CSMD1: variants seen among roughly 807,000 people sequenced by gnomAD.
CSMD1 encodes the protein CUB and Sushi multiple domains 1, also known as CUB and sushi domain-containing protein 1.
CSMD1 carries 213 observed loss-of-function variants against 417.5 expected under a neutral mutation model. That is an observed-to-expected ratio of 0.51 (90% CI 0.46 to 0.57). CSMD1 has a LOEUF of 0.57. CSMD1 is among the 20% of genes least tolerant of loss of function. CSMD1 has a pLI of 0.00. For synonymous variants in CSMD1, 2,862 were observed against 1,736.8 expected, an observed-to-expected ratio of 1.65 and a Z score of -16.11; for missense variants, 6,923 against 4,529.7, an observed-to-expected ratio of 1.53 and a Z score of -15.17.
intron 3 of CSMD1, among the ~76,000 whole-genome samples, chr8:4,345,190 G>T (rs777438397): frequency 6.6e-6 from 1 of 152,104 alleles, no homozygotes; most frequent in African/African-American, 2.4e-5. Flanking sequence ...GCAAGACATC[G>T]CATTGATGAC....
chr8:4,671,835 G>C (rs1207493355), intron 1 of CSMD1, among the ~76,000 whole-genome samples: 1 of 152,042 alleles, frequency 6.6e-6, no homozygotes, highest in Non-Finnish European at 1.5e-5. Context: ...TACGTTTGAG[G>C]AGTTTCATTT....
In CSMD1 at chr8:3,446,723, T is replaced by C. The variant is rs180834892; in HGVS notation, c.1561+21989A>G. Among the ~76,000 whole-genome samples, 8 of 152,240 alleles carry C rather than the reference T, an allele frequency of 5.3e-5. No homozygotes were observed. The East Asian group carries it at 7.7e-4, about 15-fold the overall frequency. ...CCATTCTTGAAAACTATTTTACTTATAAAGTGCAAAAATGCATAGGATGAG... is the reference window on the plus strand; with the variant it reads ...CCATTCTTGAAAACTATTTTACTTACAAAGTGCAAAAATGCATAGGATGAG... On this transcript the variant is annotated intron_variant, in intron 12 of 69. Transcript: ENST00000635120.
At chr8:4,289,911 G>C (rs1797267927) in intron 3 of CSMD1, among the ~76,000 whole-genome samples, 1 of 152,172 alleles carries the variant, frequency 6.6e-6, no homozygotes, top group African/African-American at 2.4e-5. Flanking sequence ...TGGTACCTCT[G>C]AGTGCAAGTG....
chr8:4,214,300 A>G (rs536424523), intron 3 of CSMD1, among the ~76,000 whole-genome samples: 2 of 152,284 alleles, frequency 1.3e-5, no homozygotes, highest in South Asian at 2.1e-4. Context: ...TAGTAATAGT[A>G]TTAGTTTTAT....
intron 3 of CSMD1, among the ~76,000 whole-genome samples, chr8:4,375,429 A>AC: frequency 6.6e-6 from 1 of 152,212 alleles, no homozygotes; most frequent in Non-Finnish European, 1.5e-5. Flanking sequence ...ATCTTGTACT[A>AC]CCCCAGGAAA....
At chr8:4,521,611 T>C (rs1028241978) in intron 2 of CSMD1, among the ~76,000 whole-genome samples, 1 of 152,124 alleles carries the variant, frequency 6.6e-6, no homozygotes, top group African/African-American at 2.4e-5. Context: ...GAGACAAAAA[T>C]AACAGAATTG....
chr8:4,134,626 TTC>T (rs1400999806), intron 3 of CSMD1, among the ~76,000 whole-genome samples: 1 of 152,188 alleles, frequency 6.6e-6, no homozygotes, highest in Non-Finnish European at 1.5e-5. Flanking sequence ...TGCTACCTGA[TTC>T]TCTGATTCTA....
intron 55 of CSMD1, among the ~76,000 whole-genome samples, chr8:2,976,925 G>A (rs183426447): frequency 2.6e-5 from 4 of 151,558 alleles, no homozygotes; most frequent in South Asian, 2.1e-4. Context: ...GCTGTAAGAG[G>A]GGCCATAAGG....
chr8:4,180,328 C>CA lies in CSMD1; in HGVS notation c.416-148230dup, dbSNP rs575955447. Among the ~76,000 whole-genome samples the CA allele has an allele frequency of 6.1e-3, 901 of 148,072 alleles. 12 individuals carry two copies. The highest frequency in any genetic ancestry group is 0.021 in the African/African-American group (838 of 40,032). On this transcript the variant is annotated intron_variant, in intron 3 of 69. Transcript: ENST00000635120. ...CATTGTCAGTAAACTATTGCAAGGA[C>CA]AAAAAACCAAACAATGCATGTTCTC...
At chr8:3,743,612 C>A (rs934355619) in intron 6 of CSMD1, among the ~76,000 whole-genome samples, 1 of 152,136 alleles carries the variant, frequency 6.6e-6, no homozygotes, top group Admixed American at 6.5e-5. Flanking sequence ...GGAACTAGGT[C>A]TCGAAAACCT....
chr8:4,303,012 A>G (rs1245875612), intron 3 of CSMD1, among the ~76,000 whole-genome samples: 1 of 152,188 alleles, frequency 6.6e-6, no homozygotes, highest in Non-Finnish European at 1.5e-5. Context: ...ATCCAAGAAA[A>G]TCAGGAATGG....
At position 4,626,633 on chromosome 8, in the gene CSMD1, G is replaced by A. The variant is rs559360297; in HGVS notation, c.302+10709C>T. ...ACCGCAGGGGGCAGGGTGTGGGAGG[G>A]CAGGGCGCCAGCTTGATTCTGAGGA... On this transcript the variant is annotated intron_variant, in intron 2 of 69. Transcript: ENST00000635120. 7.4e-4 allele frequency among the ~76,000 whole-genome samples: 112 copies of A among 152,188 alleles called. 1 individual carries two copies. The highest frequency in any genetic ancestry group is 5.8e-4 in the East Asian group (3 of 5,170).
intron 3 of CSMD1, among the ~76,000 whole-genome samples, chr8:4,237,396 T>C (rs535698117): frequency 6.6e-6 from 1 of 152,100 alleles, no homozygotes; most frequent in Admixed American, 6.5e-5. Flanking sequence ...AAATGAGGTA[T>C]TGATACACAC....
intron 5 of CSMD1, among the ~76,000 whole-genome samples, chr8:3,928,839 C>T (rs1037002938): frequency 7.5e-6 from 1 of 133,608 alleles, no homozygotes; most frequent in Non-Finnish European, 1.6e-5. Context: ...CCAGGTCATG[C>T]TGTCACTATA....
At chr8:3,949,006 G>C (rs1021244540) in intron 5 of CSMD1, among the ~76,000 whole-genome samples, 1 of 151,984 alleles carries the variant, frequency 6.6e-6, no homozygotes. Context: ...CAATTAAAAT[G>C]TATTAAATCT....
intron 33 of CSMD1, 127 bp downstream of exon 33, chr8:3,199,587 C>A (rs1331272454): frequency 2.4e-6 from 1 of 423,742 alleles, no homozygotes; most frequent in East Asian, 3.6e-5. Context: ...CATATGAACA[C>A]CTTCAGCTCC....
chr8:4,393,783 C>G (rs1804020767), intron 3 of CSMD1, among the ~76,000 whole-genome samples: 1 of 152,168 alleles, frequency 6.6e-6, no homozygotes, highest in East Asian at 1.9e-4. Context: ...AGCTGCAATC[C>G]TTAACTGATC....
At chr8:4,000,186 C>A (rs2130357127) in intron 4 of CSMD1, among the ~76,000 whole-genome samples, 1 of 151,578 alleles carries the variant, frequency 6.6e-6, no homozygotes, top group South Asian at 2.1e-4. Flanking sequence ...CCCAGCTCGC[C>A]GCAGTTTTTA....
At chr8:3,975,345 C>A (rs189096603) in intron 5 of CSMD1, among the ~76,000 whole-genome samples, 19 of 152,088 alleles carry the variant, frequency 1.2e-4, no homozygotes, top group Admixed American at 1.1e-3. Context: ...TGGACATGAA[C>A]TGCAATATAA....
Sources: gnomAD v4.1 joint callset for allele counts (sites outside exome capture counted in the v4.1 genomes callset) on GRCh38, gnomAD v4.1.1 for gene constraint, MANE v1.5 for transcripts, NCBI Gene and HGNC (gene_info 2026-07-23, HGNC 2026-07-21) for gene names.